ERBB4: variants seen among roughly 807,000 people sequenced by gnomAD.
ERBB4 encodes the protein receptor tyrosine-protein kinase erbB-4.
In ERBB4, 42 loss-of-function variants were observed where a neutral mutation model predicts 158.0. That is an observed-to-expected ratio of 0.27 (90% CI 0.21 to 0.34). The LOEUF (loss-of-function observed/expected upper bound fraction) is 0.34. Among genes scored for constraint, ERBB4 ranks in the 10% least tolerant of loss-of-function variants. The probability of loss-of-function intolerance (pLI) is 1.00; values close to 1 mark genes in which losing one functional copy is unlikely to be tolerated. For missense variants in ERBB4, 1,333 were observed against 1,624.1 expected (o/e 0.82, Z 3.08); for synonymous variants, 583 against 558.7 (o/e 1.04, Z -0.61).
intron 1 of ERBB4, among the ~76,000 whole-genome samples, chr2:212,486,598 G>C (rs1380840408): frequency 6.6e-6 from 1 of 152,128 alleles, no homozygotes; most frequent in African/African-American, 2.4e-5. Context: ...TAAAAGAAAA[G>C]TAGGAGTTCT....
Position 212,003,238 on chromosome 2 carries a change from AAGGAAGGAAGGAAGGAAG to A in ERBB4, c.235-55640_235-55623del, listed in dbSNP as rs1212656034. Among the ~76,000 whole-genome samples, 23 of 146,974 alleles carry A rather than the reference AAGGAAGGAAGGAAGGAAG, an allele frequency of 1.6e-4. 1 individual carries two copies. Among genetic ancestry groups the A allele is most frequent in the East Asian group, 3.9e-4 (2 of 5,096 alleles). On this transcript the variant is annotated intron_variant, in intron 2 of 27. Transcript: ENST00000342788. ...GAAGGAAGGAAGGAAGGAAGGAAGGAAGGAAGGAAGGAAGGAAGGAAAGAGAGAGAAAGACAATACAAA... is the reference window on the plus strand; with the variant it reads ...GAAGGAAGGAAGGAAGGAAGGAAGGAGAAAGAGAGAGAAAGACAATACAAA...
At chr2:211,562,885 C>T (rs2067442555) in intron 19 of ERBB4, among the ~76,000 whole-genome samples, 1 of 149,870 alleles carries the variant, frequency 6.7e-6, no homozygotes, top group South Asian at 2.1e-4. Flanking sequence ...CATTCTCCTG[C>T]CTCAGCCTCC....
At chr2:211,868,164 G>A (rs2078256467) in intron 3 of ERBB4, among the ~76,000 whole-genome samples, 1 of 152,174 alleles carries the variant, frequency 6.6e-6, no homozygotes, top group African/African-American at 2.4e-5. Flanking sequence ...ATGTATAGAG[G>A]AAAGTTAAAT....
At chr2:212,107,069 C>A (rs2079251595) in intron 2 of ERBB4, among the ~76,000 whole-genome samples, 1 of 152,182 alleles carries the variant, frequency 6.6e-6, no homozygotes, top group Admixed American at 6.5e-5. Context: ...AAACAAAGTC[C>A]CCACTGGGGT....
At chr2:211,846,069 A>G (rs1200332955) in intron 3 of ERBB4, among the ~76,000 whole-genome samples, 1 of 129,802 alleles carries the variant, frequency 7.7e-6, no homozygotes, top group African/African-American at 2.7e-5. Context: ...TTTTTCATTT[A>G]TAGTGAATAT....
chr2:212,186,800 T>C (rs550035037), intron 1 of ERBB4, among the ~76,000 whole-genome samples: 4 of 152,188 alleles, frequency 2.6e-5, no homozygotes, highest in African/African-American at 4.8e-5. Context: ...TACTGAAAGA[T>C]AGAAGTATGC....
intron 19 of ERBB4, among the ~76,000 whole-genome samples, chr2:211,568,982 A>C (rs2067634663): frequency 6.6e-6 from 1 of 152,216 alleles, no homozygotes; most frequent in Admixed American, 6.5e-5. Context: ...TTATCTGGGT[A>C]AATAGGTGAG....
intron 1 of ERBB4, among the ~76,000 whole-genome samples, chr2:212,210,152 T>G (rs897267268): frequency 3.1e-4 from 40 of 129,080 alleles, no homozygotes; most frequent in Admixed American, 2.9e-3. Context: ...TGATGAGAGA[T>G]AAAAGAAATG....
At chr2:211,627,412 T>C (rs376226184) in intron 17 of ERBB4, among the ~76,000 whole-genome samples, 1 of 152,234 alleles carries the variant, frequency 6.6e-6, no homozygotes, top group East Asian at 1.9e-4. Flanking sequence ...TGACTACCTT[T>C]ATTTTGCTTG....
At chr2:212,333,702 A>G (rs2088294176) in intron 1 of ERBB4, among the ~76,000 whole-genome samples, 1 of 151,774 alleles carries the variant, frequency 6.6e-6, no homozygotes, top group Admixed American at 6.6e-5. Context: ...CCAAAAAAAA[A>G]AAATCCTTCC....
rs2062541144 is a variant in ERBB4, at chr2:211,379,634, TAACA to T, written c.*3977_*3980del. The T allele has an allele frequency of 4.3e-6, 1 of 231,566 alleles. No individual in the cohort carries two copies. Among genetic ancestry groups the T allele is most frequent in the Admixed American group, 5.6e-5 (1 of 17,718 alleles). The allele number at this position is 231,566 out of a possible 1,614,324, so 14.3% of individuals were successfully genotyped here. ...TTTATTTAATAATATTAAAATCATT[TAACA>T]TCTGATAACCTAACTAAATCTACAT... is the stretch of plus-strand genomic sequence containing the variant. On this transcript the variant is annotated 3_prime_UTR_variant, in exon 28 of 28. Transcript: ENST00000342788.
At chr2:212,308,379 A>T (rs2106229046) in intron 1 of ERBB4, among the ~76,000 whole-genome samples, 1 of 151,260 alleles carries the variant, frequency 6.6e-6, no homozygotes, top group African/African-American at 2.4e-5. Context: ...GATACTAGTT[A>T]TAAATGAATG....
chr2:212,481,564 A>G (rs1284312895), intron 1 of ERBB4, among the ~76,000 whole-genome samples: 1 of 152,220 alleles, frequency 6.6e-6, no homozygotes, highest in Non-Finnish European at 1.5e-5. Context: ...TATGTGACCA[A>G]TGGGAAATGT....
chr2:212,092,968 T>C (rs114400955), intron 2 of ERBB4, among the ~76,000 whole-genome samples: 1 of 152,062 alleles, frequency 6.6e-6, no homozygotes, highest in East Asian at 1.9e-4. Flanking sequence ...TAAGAAAAAA[T>C]TAGGCAATAC....
chr2:212,043,926 T>G (rs2077198540), intron 2 of ERBB4, among the ~76,000 whole-genome samples: 1 of 152,150 alleles, frequency 6.6e-6, no homozygotes, highest in African/African-American at 2.4e-5. Flanking sequence ...AAATATTACA[T>G]ATTATCATTA....
chr2:211,797,280 G>A (rs1451723934), intron 3 of ERBB4, among the ~76,000 whole-genome samples: 2 of 151,794 alleles, frequency 1.3e-5, no homozygotes, highest in East Asian at 1.9e-4. Context: ...GGTCATATTA[G>A]TACTCAGAAA....
intron 5 of ERBB4, among the ~76,000 whole-genome samples, chr2:211,729,747 T>C (rs1442850584): frequency 1.3e-5 from 2 of 152,064 alleles, no homozygotes; most frequent in East Asian, 1.9e-4. Context: ...TCAGCCTCTA[T>C]AGGAACATTA....
chr2:211,394,341 T>A (rs1172542654), intron 25 of ERBB4, among the ~76,000 whole-genome samples: 1 of 152,188 alleles, frequency 6.6e-6, no homozygotes, highest in East Asian at 1.9e-4. Flanking sequence ...ATTGATCTCT[T>A]TACCCTGGTG....
chr2:211,478,771 A>C (rs1366541855), intron 20 of ERBB4, among the ~76,000 whole-genome samples: 1 of 152,104 alleles, frequency 6.6e-6, no homozygotes, highest in African/African-American at 2.4e-5. Context: ...CTTATGATAA[A>C]ACATTATTAT....
Sources: gnomAD v4.1 joint callset for allele counts (sites outside exome capture counted in the v4.1 genomes callset) on GRCh38, gnomAD v4.1.1 for gene constraint, MANE v1.5 for transcripts, NCBI Gene and HGNC (gene_info 2026-07-23, HGNC 2026-07-21) for gene names.